The following PIEZO2 variants were observed in gnomAD, a reference collection of about 807,000 sequenced individuals.
PIEZO2 encodes the protein piezo-type mechanosensitive ion channel component 2.
PIEZO2 carries 172 observed loss-of-function variants against 337.3 expected under a neutral mutation model. That is an observed-to-expected ratio of 0.51 (90% CI 0.45 to 0.58). The LOEUF is 0.58. Among genes scored for constraint, PIEZO2 ranks in the 20% least tolerant of loss-of-function variants. The pLI, the probability that PIEZO2 is intolerant of heterozygous loss-of-function variation, is 0.00. For synonymous variants in PIEZO2, 1,251 were observed against 1,228.5 expected (o/e 1.02, Z -0.38); for missense variants, 3,028 against 3,391.3 (o/e 0.89, Z 2.66).
At chr18:10,928,016 CT>C (rs1292826017) in intron 3 of PIEZO2, among the ~76,000 whole-genome samples, 1 of 152,134 alleles carries the variant, frequency 6.6e-6, no homozygotes, top group Non-Finnish European at 1.5e-5. Flanking sequence ...CAAGCATACC[CT>C]TCCTTAATAA....
intron 1 of PIEZO2, among the ~76,000 whole-genome samples, chr18:11,133,866 C>T (rs560144209): frequency 1.3e-5 from 2 of 151,126 alleles, no homozygotes; most frequent in East Asian, 1.9e-4. Context: ...ATAAACTCCT[C>T]TCTCTCTATA....
chr18:11,029,447 T>A (rs918431431), intron 2 of PIEZO2, among the ~76,000 whole-genome samples: 1 of 152,222 alleles, frequency 6.6e-6, no homozygotes, highest in African/African-American at 2.4e-5. Context: ...TCTATGCTGA[T>A]ACTAGCTCCA....
Position 10,815,707 on chromosome 18 carries a change from G to A in PIEZO2, c.918-8433C>T, listed in dbSNP as rs1171179858. On this transcript the variant is annotated intron_variant, in intron 7 of 55. Coordinates refer to ENST00000674853, the MANE Select transcript of PIEZO2 (RefSeq NM_001378183.1). The surrounding 1 kb of genome is among the most constrained non-coding windows in gnomAD (Gnocchi z 4.1). Reference sequence around the variant, plus strand: ...AATATTTGGGAGTGCTCTCACTCAGGAACAAGAGAAGAAGGAGAACAGTCT... The same window carrying A: ...AATATTTGGGAGTGCTCTCACTCAGAAACAAGAGAAGAAGGAGAACAGTCT... Among the ~76,000 whole-genome samples the A allele has an allele frequency of 6.6e-6, 1 of 152,088 alleles. No individual in the cohort carries two copies. The highest frequency in any genetic ancestry group is 2.4e-5 in the African/African-American group (1 of 41,404).
rs1961912701 is a variant in PIEZO2, at chr18:10,973,855, C to T, written c.286+5680G>A. ...CTTTTATATATTTTGTCTCCCATTT[C>T]GTACTTATTAGCTCTTTTCTCCAGG... On this transcript the variant is annotated intron_variant, in intron 3 of 55. Coordinates refer to ENST00000674853, the MANE Select transcript of PIEZO2 (RefSeq NM_001378183.1). This position sits in a 1 kb window ranked among gnomAD's most constrained non-coding sequence, Gnocchi z 4.9. 1.3e-5 allele frequency among the ~76,000 whole-genome samples: 2 copies of T among 152,132 alleles called. No homozygotes were observed. Among genetic ancestry groups the T allele is most frequent in the African/African-American group, 2.4e-5 (1 of 41,418 alleles).
At chr18:10,900,010 G>T (rs1291436296) in intron 4 of PIEZO2, among the ~76,000 whole-genome samples, 1 of 152,066 alleles carries the variant, frequency 6.6e-6, no homozygotes, top group Admixed American at 6.6e-5. Context: ...AGAAGTTTTC[G>T]TGAAGGATTG....
At position 10,682,383 on chromosome 18, in the gene PIEZO2, T is replaced by A; in HGVS notation, c.7498-91A>T. ...TGGGGGAGAGCGAGTGCTCTTCCTG[T>A]GGTGCTGGGAACATGGATTTGGCCC... is the stretch of plus-strand genomic sequence containing the variant. On this transcript the variant is annotated intron_variant, in intron 49 of 55. Coordinates refer to ENST00000674853, the MANE Select transcript of PIEZO2 (RefSeq NM_001378183.1). The surrounding 1 kb of genome is among the most constrained non-coding windows in gnomAD (Gnocchi z 5.6). 8.7e-7 allele frequency: 1 copy of A among 1,154,362 alleles called. No individual in the cohort carries two copies. Among genetic ancestry groups the A allele is most frequent in the Non-Finnish European group, 1.2e-6 (1 of 828,832 alleles). The allele number at this position is 1,154,362 out of a possible 1,614,324, so 71.5% of individuals were successfully genotyped here. A position where few individuals can be genotyped will look rare whatever the true frequency, so the allele number is the denominator to read the frequency against.
chr18:11,078,497 T>C lies in PIEZO2; in HGVS notation c.65-12275A>G, dbSNP rs1369688677. Among the ~76,000 whole-genome samples, 1 of 152,190 alleles carries C rather than the reference T, an allele frequency of 6.6e-6. No individual in the cohort carries two copies. Among genetic ancestry groups the C allele is most frequent in the Non-Finnish European group, 1.5e-5 (1 of 68,034 alleles). On this transcript the variant is annotated intron_variant, in intron 1 of 55. Transcript: ENST00000674853. The surrounding 1 kb of genome is among the most constrained non-coding windows in gnomAD (Gnocchi z 5.3). ...CCGTAAATTGATTAAAATTACTGTT[T>C]TATCTTGATGAATTTACTTTGACAT...
chr18:10,825,697 T>C (rs1468958366), intron 7 of PIEZO2, among the ~76,000 whole-genome samples: 6 of 151,890 alleles, frequency 4.0e-5, no homozygotes, highest in African/African-American at 1.4e-4. Flanking sequence ...ACTACAGGCA[T>C]GTGCCACCAT....
intron 2 of PIEZO2, among the ~76,000 whole-genome samples, chr18:10,990,748 T>C (rs558832772): frequency 1.5e-3 from 214 of 140,834 alleles, no homozygotes; most frequent in African/African-American, 5.4e-3. Context: ...AGTTACATTA[T>C]TTTTTTTTCT....
intron 8 of PIEZO2, among the ~76,000 whole-genome samples, chr18:10,806,116 T>A (rs1281091509): frequency 3.3e-5 from 5 of 152,070 alleles, no homozygotes; most frequent in Non-Finnish European, 7.4e-5. Context: ...GTGGGAATGG[T>A]CTGTGGGTAC....
In PIEZO2 at chr18:10,780,355, A is replaced by C. The variant is rs947351416; in HGVS notation, c.2504T>G (p.Val835Gly). 2.8e-6 allele frequency: 2 copies of C among 702,994 alleles called. No homozygotes were observed. The highest frequency in any genetic ancestry group is 5.2e-6 in the Non-Finnish European group (2 of 385,006). The allele number at this position is 702,994 out of a possible 1,614,324, so 43.5% of individuals were successfully genotyped here. Reference protein sequence around the residue: ...EDNTIYSHAKVNGRVYLIINS... With the variant: ...EDNTIYSHAKGNGRVYLIINS... The stretch of plus-strand genomic sequence containing the variant: ...TATTATTAGATATACGCGACCATTG[A>C]CTTTGGCATGGCTACGAGGTGGCAG... The change falls in exon 18 of 56, where the codon GTC (valine) becomes GGC (glycine). Residue 835 changes from valine to glycine, a missense_variant. Val to Gly is a moderately radical substitution (Grantham distance 109). Coordinates refer to ENST00000674853, the MANE Select transcript of PIEZO2 (RefSeq NM_001378183.1).
chr18:11,106,288 C>T lies in PIEZO2; in HGVS notation c.65-40066G>A, dbSNP rs62083647. On this transcript the variant is annotated intron_variant, in intron 1 of 55. Transcript: ENST00000674853. ...TTTTTTTTTTTTTTTTTAGTAGAGACGGGGTTTCACCATCTTAGCCAGGAT... is the reference window on the plus strand; with the variant it reads ...TTTTTTTTTTTTTTTTTAGTAGAGATGGGGTTTCACCATCTTAGCCAGGAT... 6.7e-3 allele frequency among the ~76,000 whole-genome samples: 987 copies of T among 147,290 alleles called. 11 individuals carry two copies. The highest frequency in any genetic ancestry group is 0.011 in the Non-Finnish European group (745 of 67,094).
In PIEZO2 at chr18:11,082,230, G is replaced by T. The variant is rs886208662; in HGVS notation, c.65-16008C>A. Among the ~76,000 whole-genome samples the T allele has an allele frequency of 3.3e-5, 5 of 152,106 alleles. No homozygotes were observed. The East Asian group carries it at 9.6e-4, about 29-fold the overall frequency. Reference sequence around the variant, plus strand: ...TTGACAACTTAATTAGGATGGCAAGGGAAAGGAAATATGTATGACAAATAC... The same window carrying T: ...TTGACAACTTAATTAGGATGGCAAGTGAAAGGAAATATGTATGACAAATAC... On this transcript the variant is annotated intron_variant, in intron 1 of 55. Coordinates refer to ENST00000674853, the MANE Select transcript of PIEZO2 (RefSeq NM_001378183.1).
At chr18:10,698,352 A>G (rs1051788259) in intron 44 of PIEZO2, among the ~76,000 whole-genome samples, 4 of 152,222 alleles carry the variant, frequency 2.6e-5, no homozygotes, top group South Asian at 2.1e-4. Context: ...CAGGAGCCCC[A>G]TAATTATAAA....
In PIEZO2 at chr18:10,878,457, T is replaced by A. The variant is rs1379028015; in HGVS notation, c.330-7042A>T. ...AATGGCATTGAGATCACAGAGAGTT[T>A]ACAAATAAAGTTTCAGTTATTTGCA... On this transcript the variant is annotated intron_variant, in intron 4 of 55. Coordinates refer to ENST00000674853, the MANE Select transcript of PIEZO2 (RefSeq NM_001378183.1). The surrounding 1 kb of genome is among the most constrained non-coding windows in gnomAD (Gnocchi z 4.3). 6.6e-6 allele frequency among the ~76,000 whole-genome samples: 1 copy of A among 152,212 alleles called. No homozygotes were observed. Among genetic ancestry groups the A allele is most frequent in the Admixed American group, 6.5e-5 (1 of 15,278 alleles).
Position 11,127,803 on chromosome 18 carries a change from A to ATGAGTGTGTG in PIEZO2, c.64+20721_64+20722insCACACACTCA, listed in dbSNP as rs1555719383. Among the ~76,000 whole-genome samples, 27 of 146,756 alleles carry ATGAGTGTGTG rather than the reference A, an allele frequency of 1.8e-4. No individual in the cohort carries two copies. The highest frequency in any genetic ancestry group is 6.6e-4 in the African/African-American group (26 of 39,482). On this transcript the variant is annotated intron_variant, in intron 1 of 55. Coordinates refer to ENST00000674853, the MANE Select transcript of PIEZO2 (RefSeq NM_001378183.1). This position sits in a 1 kb window ranked among gnomAD's most constrained non-coding sequence, Gnocchi z 4.5. ...TGCATATACGTGTGTGTGTGTGTGC[A>ATGAGTGTGTG]TGTGTGTGTGTGTGTGTGTGTGTAT...
chr18:11,113,488 C>T (rs1299236964), intron 1 of PIEZO2, among the ~76,000 whole-genome samples: 1 of 152,158 alleles, frequency 6.6e-6, no homozygotes, highest in African/African-American at 2.4e-5. Context: ...TCCGGATATG[C>T]GGATTCACTG....
rs1464213250 is a variant in PIEZO2, at chr18:11,077,493, C to A, written c.65-11271G>T. ...ACCAACCTGGGCAACATAGTGAGAC[C>A]CCCATCTCCACACAAAAAAAGAAAA... On this transcript the variant is annotated intron_variant, in intron 1 of 55. Transcript: ENST00000674853. The surrounding 1 kb of genome is among the most constrained non-coding windows in gnomAD (Gnocchi z 4.8). Among the ~76,000 whole-genome samples the A allele has an allele frequency of 1.3e-5, 2 of 151,608 alleles. No individual in the cohort carries two copies. Among genetic ancestry groups the A allele is most frequent in the Admixed American group, 6.6e-5 (1 of 15,228 alleles).
At chr18:11,071,209 A>G (rs1055456572) in intron 1 of PIEZO2, among the ~76,000 whole-genome samples, 1 of 152,214 alleles carries the variant, frequency 6.6e-6, no homozygotes, top group Non-Finnish European at 1.5e-5. Context: ...TTCAAAGCAG[A>G]AAGAAATGTT....
Sources: allele counts gnomAD v4.1 joint callset (sites outside exome capture counted in the v4.1 genomes callset), GRCh38; gene constraint gnomAD v4.1.1; non-coding constraint Gnocchi (gnomAD v3.1); transcripts MANE v1.5; gene names NCBI Gene and HGNC (gene_info 2026-07-23, HGNC 2026-07-21).